OSBPL9: variants seen among roughly 807,000 people sequenced by gnomAD.
The protein encoded by OSBPL9 is oxysterol-binding protein-related protein 9.
In OSBPL9, 40 loss-of-function variants were observed where a neutral mutation model predicts 106.6. The ratio of observed to expected loss-of-function variants is 0.38; its 90% CI spans 0.29 to 0.49. OSBPL9 has a LOEUF of 0.49. Ranked by LOEUF, OSBPL9 falls within the 20% of genes least tolerant of loss-of-function variation. The probability of loss-of-function intolerance (pLI) is 0.97; values close to 1 mark genes in which losing one functional copy is unlikely to be tolerated. For synonymous variants in OSBPL9, 269 were observed against 295.4 expected, an observed-to-expected ratio of 0.91 and a Z score of 0.92; for missense variants, 609 against 887.2, an observed-to-expected ratio of 0.69 and a Z score of 3.98.
intron 16 of OSBPL9, among the ~76,000 whole-genome samples, chr1:51,782,102 G>T (rs1676516537): frequency 6.6e-6 from 1 of 152,072 alleles, no homozygotes; most frequent in Non-Finnish European, 1.5e-5. Context: ...CAAATTTAGT[G>T]GTTGAAGAAA....
At chr1:51,554,869 C>T in the OSBPL9 span, among the ~76,000 whole-genome samples, 1 of 152,168 alleles carries the variant, frequency 6.6e-6, no homozygotes, top group Non-Finnish European at 1.5e-5. Flanking sequence ...TGTCGAAGGG[C>T]TTAAAAAGCA....
chr1:51,641,195 G>A (rs548330911), intron 1 of OSBPL9, among the ~76,000 whole-genome samples: 5 of 152,306 alleles, frequency 3.3e-5, no homozygotes, highest in African/African-American at 1.2e-4. Flanking sequence ...GCAGACCGCT[G>A]TGTGATTTGA....
At chr1:51,557,632 T>C in the OSBPL9 span, among the ~76,000 whole-genome samples, 1 of 152,208 alleles carries the variant, frequency 6.6e-6, no homozygotes, top group Admixed American at 6.5e-5. Context: ...ACCTGTGCTA[T>C]CCCACTTGAG....
chr1:51,609,053 C>G (rs1643967971), intron 2 of OSBPL9, among the ~76,000 whole-genome samples: 1 of 152,124 alleles, frequency 6.6e-6, no homozygotes, highest in Non-Finnish European at 1.5e-5. Flanking sequence ...TCCCCTTCCC[C>G]CTTCCTATCT....
chr1:51,625,281 G>C (rs1255822507), intron 1 of OSBPL9, among the ~76,000 whole-genome samples: 1 of 152,136 alleles, frequency 6.6e-6, no homozygotes, highest in Non-Finnish European at 1.5e-5. Flanking sequence ...AGTGGCAATT[G>C]TATGATTAGA....
chr1:51,679,843 G>C (rs766514852), intron 3 of OSBPL9, among the ~76,000 whole-genome samples: 30 of 152,062 alleles, frequency 2.0e-4, no homozygotes, highest in African/African-American at 3.1e-4. Context: ...TGTTATAATT[G>C]TTCTATTTTA....
At chr1:51,631,266 G>A (rs1279664810) in intron 1 of OSBPL9, among the ~76,000 whole-genome samples, 3 of 152,288 alleles carry the variant, frequency 2.0e-5, no homozygotes, top group African/African-American at 7.2e-5. Flanking sequence ...ATCTGGCTGG[G>A]CATGGTGGTG....
chr1:51,675,334 T>C (rs1358071973), intron 3 of OSBPL9, among the ~76,000 whole-genome samples: 2 of 152,122 alleles, frequency 1.3e-5, no homozygotes, highest in Non-Finnish European at 2.9e-5. Context: ...CATCCTTTTT[T>C]TTCCAAGAGA....
chr1:51,734,840 C>T (rs563529645), intron 4 of OSBPL9, among the ~76,000 whole-genome samples: 2 of 152,264 alleles, frequency 1.3e-5, no homozygotes, highest in South Asian at 4.2e-4. Flanking sequence ...CCCCCCCAAA[C>T]CCTAGTACTT....
chr1:51,550,901 T>C, the OSBPL9 span, among the ~76,000 whole-genome samples: 1 of 152,346 alleles, frequency 6.6e-6, no homozygotes, highest in South Asian at 2.1e-4. Flanking sequence ...TATTTACTGA[T>C]AACTAATTTC....
At position 51,767,936 on chromosome 1, in the gene OSBPL9, C is replaced by CTTTTTTT. The variant is rs869092922; in HGVS notation, c.938+1976_938+1982dup. On this transcript the variant is annotated intron_variant, in intron 12 of 23. Coordinates refer to ENST00000428468, the MANE Select transcript of OSBPL9 (RefSeq NM_024586.6). ...TATTTAAAAGAGAATTAAAGACCGT[C>CTTTTTTT]TTTTTTTTTTTTTTTTTTTTTTTTT... Among the ~76,000 whole-genome samples, 13 of 65,054 alleles carry CTTTTTTT rather than the reference C, an allele frequency of 2.0e-4. 2 individuals carry two copies. The highest frequency in any genetic ancestry group is 7.2e-4 in the African/African-American group (12 of 16,732). 42.7% of individuals were successfully genotyped at this position (65,054 alleles called of 152,430 possible).
intron 3 of OSBPL9, chr1:51,709,085 C>T (rs946093837): frequency 2.0e-5 from 3 of 152,296 alleles, no homozygotes; most frequent in African/African-American, 4.8e-5. Flanking sequence ...GGCCACACTC[C>T]TTTGTCAAGG....
At chr1:51,605,442 AAAAG>A (rs1270043511) in intron 2 of OSBPL9, among the ~76,000 whole-genome samples, 1 of 151,914 alleles carries the variant, frequency 6.6e-6, no homozygotes, top group Non-Finnish European at 1.5e-5. Flanking sequence ...AAGAAGATAA[AAAAG>A]AAAATCTTCA....
At chr1:51,617,341 C>T in intron 1 of OSBPL9, 120 bp downstream of exon 1, 2 of 987,228 alleles carry the variant, frequency 2.0e-6, no homozygotes, top group Non-Finnish European at 2.9e-6. Flanking sequence ...CCGCCGTACG[C>T]GAGGGTTCCC....
chr1:51,595,062 G>A (rs989747237), intron 1 of OSBPL9, among the ~76,000 whole-genome samples: 5 of 152,176 alleles, frequency 3.3e-5, no homozygotes, highest in Non-Finnish European at 7.3e-5. Context: ...AGGGGCGGGG[G>A]CTGAGATCAC....
intron 3 of OSBPL9, among the ~76,000 whole-genome samples, chr1:51,690,064 T>G (rs1332444617): frequency 2.6e-5 from 4 of 152,230 alleles, no homozygotes; most frequent in Non-Finnish European, 4.4e-5. Context: ...TATATTAATG[T>G]ATCTTAAAGA....
chr1:51,605,347 T>A (rs1008338928), intron 2 of OSBPL9, among the ~76,000 whole-genome samples: 5 of 152,000 alleles, frequency 3.3e-5, no homozygotes, highest in African/African-American at 1.2e-4. Flanking sequence ...TCCCAGCACT[T>A]AGGGAGGCAG....
chr1:51,549,342 A>C, the OSBPL9 span, among the ~76,000 whole-genome samples: 13 of 152,158 alleles, frequency 8.5e-5, no homozygotes, highest in Admixed American at 6.5e-5. Context: ...CACTTCCTTC[A>C]TGAAGTCTTT....
the OSBPL9 span, among the ~76,000 whole-genome samples, chr1:51,527,330 G>A: frequency 4.5e-5 from 5 of 110,226 alleles, no homozygotes; most frequent in East Asian, 2.0e-4. Context: ...AATGATGATG[G>A]TGATGATGAT....
Sources: allele counts gnomAD v4.1 joint callset (sites outside exome capture counted in the v4.1 genomes callset), GRCh38; gene constraint gnomAD v4.1.1; transcripts MANE v1.5; gene names NCBI Gene and HGNC (gene_info 2026-07-23, HGNC 2026-07-21).